NCAM1: variants seen among roughly 807,000 people sequenced by gnomAD.
NCAM1 encodes antigen recognized by monoclonal antibody 5.1H11.
A neutral mutation model predicts 109.8 loss-of-function variants in NCAM1; 14 were observed. The ratio of observed to expected loss-of-function variants is 0.13; its 90% CI spans 0.08 to 0.20. The LOEUF (loss-of-function observed/expected upper bound fraction) is 0.20, where lower values mean the gene tolerates loss of function less well. NCAM1 is among the 10% of genes least tolerant of loss of function. The pLI is 1.00. For missense variants in NCAM1, 774 were observed against 1,109.9 expected (o/e 0.70, Z 4.30); for synonymous variants, 418 against 442.9 (o/e 0.94, Z 0.70).
At chr11:113,204,557 CAT>C in intron 3 of NCAM1, 53 bp downstream of exon 3, 1 of 1,535,754 alleles carries the variant, frequency 6.5e-7, no homozygotes, top group South Asian at 1.1e-5. Context: ...GCCAAGGAGA[CAT>C]GTGGGTAGTG....
At chr11:113,151,265 T>C (rs1481398566) in intron 1 of NCAM1, among the ~76,000 whole-genome samples, 8 of 152,138 alleles carry the variant, frequency 5.3e-5, no homozygotes, top group African/African-American at 7.2e-5. Context: ...AAAGTCCAGA[T>C]AGAAAATCTC....
intron 1 of NCAM1, among the ~76,000 whole-genome samples, chr11:113,027,557 GGT>G (rs1952585147): frequency 6.6e-6 from 1 of 152,256 alleles, no homozygotes. Context: ...GCAAGGACTT[GGT>G]AATGATAAAT....
chr11:113,257,187 G>A (rs1945855400), intron 16 of NCAM1, among the ~76,000 whole-genome samples: 1 of 152,232 alleles, frequency 6.6e-6, no homozygotes, highest in South Asian at 2.1e-4. Context: ...CAAGTAGGGT[G>A]CAAGGATTGG....
chr11:113,014,614 A>G (rs1448977435), intron 1 of NCAM1, among the ~76,000 whole-genome samples: 1 of 152,248 alleles, frequency 6.6e-6, no homozygotes, highest in Non-Finnish European at 1.5e-5. Context: ...AAACGTCAAC[A>G]TAAGAGAAGT....
At chr11:113,015,685 G>A (rs376269883) in intron 1 of NCAM1, among the ~76,000 whole-genome samples, 9 of 151,924 alleles carry the variant, frequency 5.9e-5, no homozygotes, top group African/African-American at 2.2e-4. Flanking sequence ...GCAGTGAGCC[G>A]AGATCATGTC....
At chr11:113,250,056 A>G (rs782471744) in intron 15 of NCAM1, among the ~76,000 whole-genome samples, 2 of 152,192 alleles carry the variant, frequency 1.3e-5, no homozygotes, top group Non-Finnish European at 2.9e-5. Context: ...GATGGCAAAG[A>G]TTCTGGTCAC....
At chr11:113,053,621 A>C (rs992856124) in intron 1 of NCAM1, among the ~76,000 whole-genome samples, 1 of 152,202 alleles carries the variant, frequency 6.6e-6, no homozygotes, top group Non-Finnish European at 1.5e-5. Flanking sequence ...TGAGGATGGT[A>C]AAGAAAATTT....
intron 1 of NCAM1, among the ~76,000 whole-genome samples, chr11:112,984,528 TC>T (rs1951242980): frequency 6.6e-6 from 1 of 151,992 alleles, no homozygotes; most frequent in Non-Finnish European, 1.5e-5. Flanking sequence ...GTACAAGGGT[TC>T]CCATTTCTCT....
chr11:113,187,357 A>G lies in NCAM1; in HGVS notation c.53-15022A>G, dbSNP rs142460311. Among the ~76,000 whole-genome samples the G allele has an allele frequency of 4.6e-3, 707 of 152,276 alleles. 6 individuals are homozygous for G. Among genetic ancestry groups the G allele is most frequent in the African/African-American group, 0.016 (665 of 41,548 alleles). On this transcript the variant is annotated intron_variant, in intron 1 of 19. Transcript: ENST00000316851. The stretch of plus-strand genomic sequence containing the variant: ...CCCAAGGGTTCAGGGAAGGTACAGG[A>G]CACAGAGGGTAAGCAGTCTTTGATG...
At chr11:113,165,280 A>G (rs1555105090) in intron 1 of NCAM1, among the ~76,000 whole-genome samples, 1 of 152,202 alleles carries the variant, frequency 6.6e-6, no homozygotes, top group African/African-American at 2.4e-5. Flanking sequence ...ATCCACTTAG[A>G]TGAATTTGGA....
intron 1 of NCAM1, among the ~76,000 whole-genome samples, chr11:113,088,950 A>G (rs1939215936): frequency 6.6e-6 from 1 of 152,190 alleles, no homozygotes; most frequent in African/African-American, 2.4e-5. Context: ...AAAATGTAAA[A>G]TTAGCAAAGC....
chr11:113,114,776 C>T (rs908679881), intron 1 of NCAM1, among the ~76,000 whole-genome samples: 16 of 152,196 alleles, frequency 1.1e-4, no homozygotes, highest in African/African-American at 3.6e-4. Context: ...TAGTCAACAA[C>T]AGGTATTCTG....
chr11:113,143,018 G>A (rs1471743579), intron 1 of NCAM1, among the ~76,000 whole-genome samples: 2 of 152,096 alleles, frequency 1.3e-5, no homozygotes, highest in East Asian at 3.9e-4. Flanking sequence ...CCTGAATAAT[G>A]ACTGTGTCTC....
At chr11:113,163,787 G>GT (rs1235616977) in intron 1 of NCAM1, among the ~76,000 whole-genome samples, 3 of 152,182 alleles carry the variant, frequency 2.0e-5, no homozygotes, top group African/African-American at 7.2e-5. Flanking sequence ...CCCTGAAGAC[G>GT]TAAGTGTCCA....
In NCAM1 at chr11:113,271,774, A is replaced by AG. The variant is rs1555125404; in HGVS notation, c.2356dup (p.Glu786GlyfsTer17). 6.4e-7 allele frequency: 1 copy of AG among 1,558,684 alleles called. No individual in the cohort carries two copies. The highest frequency in any genetic ancestry group is 1.4e-5 in the African/African-American group (1 of 73,356). The stretch of plus-strand genomic sequence containing the variant: ...TGTCTCCACAGGAAAGATGAGTCCA[A>AG]GGAGCCCATCGTGGAGGTTCGAACG... On this transcript the variant is annotated frameshift_variant, in exon 19 of 20. Coordinates refer to ENST00000316851, the MANE Select transcript of NCAM1 (RefSeq NM_181351.5). LOFTEE classifies it high-confidence loss of function.
At chr11:113,083,151 A>AGAG (rs1264783270) in intron 1 of NCAM1, among the ~76,000 whole-genome samples, 17 of 151,808 alleles carry the variant, frequency 1.1e-4, no homozygotes, top group Non-Finnish European at 1.9e-4. Flanking sequence ...GCTCCTGGCC[A>AGAG]TGTGGTGGGG....
chr11:113,233,227 A>G lies in NCAM1; in HGVS notation c.1603A>G (p.Thr535Ala). ...GGTGCAGTTTGATGAACCAGAGGCCACAGGTGGGGTGCCCATCCTCAAATA... is the reference window on the plus strand; with the variant it reads ...GGTGCAGTTTGATGAACCAGAGGCCGCAGGTGGGGTGCCCATCCTCAAATA... ...AQVQFDEPEA[T>A]GGVPILKYKA... Residue 535 changes from threonine (T) to alanine (A), a missense_variant, in exon 13 of 20, where the codon ACA (threonine) becomes GCA (alanine). Thr to Ala is a moderately conservative substitution (Grantham distance 58, BLOSUM62 0). Around this residue, in one of 4 missense-constraint regions of NCAM1, gnomAD observed 523 missense variants for 784.2 expected, o/e 0.67. Coordinates refer to ENST00000316851, the MANE Select transcript of NCAM1 (RefSeq NM_181351.5). The surrounding 1 kb of genome is among the most constrained non-coding windows in gnomAD (Gnocchi z 4.5). 6.2e-7 allele frequency: 1 copy of G among 1,613,898 alleles called. No individual in the cohort carries two copies. The highest frequency in any genetic ancestry group is 8.5e-7 in the Non-Finnish European group (1 of 1,179,862).
chr11:113,018,038 A>G (rs1267185359), intron 1 of NCAM1, among the ~76,000 whole-genome samples: 1 of 152,190 alleles, frequency 6.6e-6, no homozygotes, highest in Admixed American at 6.5e-5. Flanking sequence ...GTAAGTTTCC[A>G]CTGGGCGAGG....
chr11:113,040,097 G>A (rs1045074332), intron 1 of NCAM1, among the ~76,000 whole-genome samples: 5 of 152,130 alleles, frequency 3.3e-5, no homozygotes, highest in African/African-American at 4.8e-5. Context: ...AGCCGAGATC[G>A]CGTCACTGCA....
Sources: gnomAD v4.1 joint callset for allele counts (sites outside exome capture counted in the v4.1 genomes callset) on GRCh38, gnomAD v4.1.1 for gene constraint, gnomAD v4.1.1 regional missense constraint, Gnocchi (gnomAD v3.1) non-coding constraint, MANE v1.5 for transcripts, NCBI Gene and HGNC (gene_info 2026-07-23, HGNC 2026-07-21) for gene names.